The following FERMT2 variants were observed in gnomAD, a reference collection of about 807,000 sequenced individuals.
The protein encoded by FERMT2 is fermitin family homolog 2.
A neutral mutation model predicts 82.7 loss-of-function variants in FERMT2; 15 were observed. That is an observed-to-expected ratio of 0.18 (90% CI 0.12 to 0.28). The LOEUF is 0.28. FERMT2 is among the 10% of genes least tolerant of loss of function. The pLI is 1.00. For synonymous variants in FERMT2, 274 were observed against 271.5 expected, an observed-to-expected ratio of 1.01 and a Z score of -0.09; for missense variants, 645 against 809.4, an observed-to-expected ratio of 0.80 and a Z score of 2.46.
chr14:52,886,269 G>C (rs574127715), intron 4 of FERMT2, among the ~76,000 whole-genome samples: 2 of 142,378 alleles, frequency 1.4e-5, no homozygotes, highest in Admixed American at 1.4e-4. Flanking sequence ...AGAAACTCTT[G>C]GGGGGGAGAG....
At chr14:52,888,693 T>C (rs1040306679) in intron 4 of FERMT2, among the ~76,000 whole-genome samples, 5 of 152,212 alleles carry the variant, frequency 3.3e-5, no homozygotes, top group Non-Finnish European at 7.3e-5. Flanking sequence ...GGTCTTCACC[T>C]ATGGTTTCCA....
At chr14:52,892,159 G>GT (rs1555368979) in intron 4 of FERMT2, among the ~76,000 whole-genome samples, 2 of 78,760 alleles carry the variant, frequency 2.5e-5, no homozygotes, top group African/African-American at 7.8e-5. Flanking sequence ...AGAGAAGGCT[G>GT]TTTTTTGTTT....
At chr14:52,941,485 A>C (rs1890089722) in intron 2 of FERMT2, among the ~76,000 whole-genome samples, 1 of 152,210 alleles carries the variant, frequency 6.6e-6, no homozygotes. Flanking sequence ...GTAATTATGC[A>C]ACTAATTTGT....
At chr14:52,866,511 C>T (rs1885289191) in intron 10 of FERMT2, among the ~76,000 whole-genome samples, 2 of 152,186 alleles carry the variant, frequency 1.3e-5, no homozygotes, top group South Asian at 4.1e-4. Context: ...CTAGCAAAAT[C>T]TGCACCCTAG....
In FERMT2 at chr14:52,859,556, C is replaced by T; in HGVS notation, c.1869+17G>A. The stretch of plus-strand genomic sequence containing the variant: ...TCAGAGAAGGACTATATTCAAGTAA[C>T]ATTGTTATGAGTTTACCATTTTGAT... On this transcript the variant is annotated intron_variant, in intron 14 of 14. Transcript: ENST00000341590. 6.3e-7 allele frequency: 1 copy of T among 1,581,702 alleles called. No homozygotes were observed. Among genetic ancestry groups the T allele is most frequent in the Non-Finnish European group, 8.6e-7 (1 of 1,161,250 alleles).
chr14:52,902,088 G>A (rs997175907), intron 3 of FERMT2, among the ~76,000 whole-genome samples: 21 of 151,462 alleles, frequency 1.4e-4, no homozygotes, highest in African/African-American at 5.1e-4. Flanking sequence ...GAGATAAACA[G>A]GATAATATAA....
intron 4 of FERMT2, among the ~76,000 whole-genome samples, chr14:52,888,239 C>T (rs914630493): frequency 2.0e-5 from 3 of 152,148 alleles, no homozygotes; most frequent in Middle Eastern, 3.4e-3. Context: ...TCCTACCAAA[C>T]GAAAGTATTT....
chr14:52,873,919 T>C (rs1281304912), intron 9 of FERMT2, among the ~76,000 whole-genome samples: 2 of 152,010 alleles, frequency 1.3e-5, no homozygotes, highest in South Asian at 2.1e-4. Flanking sequence ...TGTTTCAGCA[T>C]CTGTATGATG....
At chr14:52,869,490 C>A (rs188374177) in intron 10 of FERMT2, among the ~76,000 whole-genome samples, 2 of 152,246 alleles carry the variant, frequency 1.3e-5, no homozygotes, top group Admixed American at 6.5e-5. Flanking sequence ...GCATATACGA[C>A]AGCGACAATG....
chr14:52,892,981 G>C (rs184146428), intron 4 of FERMT2, among the ~76,000 whole-genome samples: 1 of 152,264 alleles, frequency 6.6e-6, no homozygotes, highest in East Asian at 1.9e-4. Context: ...TTTCAGGACA[G>C]AGAAAAATGC....
At position 52,943,310 on chromosome 14, in the gene FERMT2, G is replaced by C. The variant is rs146883588; in HGVS notation, c.157+7102C>G. On this transcript the variant is annotated intron_variant, in intron 2 of 14. Coordinates refer to ENST00000341590, the MANE Select transcript of FERMT2 (RefSeq NM_006832.3). Reference sequence around the variant, plus strand: ...CTTAAAAGACCAAGGCTGAGGAACTGTTCTACAGGGTGGCCATAAAGTTTA... The same window carrying C: ...CTTAAAAGACCAAGGCTGAGGAACTCTTCTACAGGGTGGCCATAAAGTTTA... Among the ~76,000 whole-genome samples, 396 of 152,222 alleles carry C rather than the reference G, an allele frequency of 2.6e-3. 3 individuals carry two copies. The highest frequency in any genetic ancestry group is 9.0e-3 in the African/African-American group (373 of 41,524).
At chr14:52,860,756 A>G (rs775374136) in intron 12 of FERMT2, 15 of 568,358 alleles carry the variant, frequency 2.6e-5, no homozygotes, top group Non-Finnish European at 4.6e-5. Context: ...CGGTACTACT[A>G]TTACAGAACA....
chr14:52,944,923 A>G (rs1890258913), intron 2 of FERMT2, among the ~76,000 whole-genome samples: 1 of 151,828 alleles, frequency 6.6e-6, no homozygotes, highest in Non-Finnish European at 1.5e-5. Flanking sequence ...TTTTGGAGAC[A>G]GAGTCTTGCT....
At chr14:52,927,549 C>T (rs2139663939) in intron 2 of FERMT2, among the ~76,000 whole-genome samples, 1 of 123,690 alleles carries the variant, frequency 8.1e-6, no homozygotes, top group East Asian at 2.6e-4. Flanking sequence ...TGAGCCGAAG[C>T]GTTCAAGGCC....
rs1886270666 is a variant in FERMT2 at position 52,881,141 on chromosome 14, G to A, written c.753-3C>T. Reference sequence around the variant, plus strand: ...GAGATCTTGAGGAATCAAGCCATCTGGACAAATTAAGAACAGTGGAACAAA... The same window carrying A: ...GAGATCTTGAGGAATCAAGCCATCTAGACAAATTAAGAACAGTGGAACAAA... On this transcript the variant is annotated splice_region_variant and splice_polypyrimidine_tract_variant and intron_variant, in intron 5 of 14. Transcript: ENST00000341590. 2 of 1,610,234 alleles carry A rather than the reference G, an allele frequency of 1.2e-6. No individual in the cohort carries two copies. Among genetic ancestry groups the A allele is most frequent in the South Asian group, 2.2e-5 (2 of 90,754 alleles).
intron 4 of FERMT2, among the ~76,000 whole-genome samples, chr14:52,888,417 A>G (rs1371086217): frequency 6.6e-6 from 1 of 152,302 alleles, no homozygotes; most frequent in East Asian, 1.9e-4. Flanking sequence ...TAAGTTATAT[A>G]CTAACCAGCT....
intron 3 of FERMT2, among the ~76,000 whole-genome samples, chr14:52,911,799 TA>T (rs1421521015): frequency 2.0e-5 from 3 of 152,216 alleles, no homozygotes; most frequent in African/African-American, 7.2e-5. Flanking sequence ...ATAACAGTGT[TA>T]AATTATGTAT....
intron 8 of FERMT2, among the ~76,000 whole-genome samples, chr14:52,874,931 T>C (rs1159811824): frequency 2.0e-5 from 3 of 152,092 alleles, no homozygotes; most frequent in African/African-American, 7.2e-5. Flanking sequence ...GGTGCATGGT[T>C]GTAGTCTCAG....
chr14:52,882,135 T>C (rs187471178), intron 4 of FERMT2, among the ~76,000 whole-genome samples: 32 of 152,316 alleles, frequency 2.1e-4, no homozygotes, highest in African/African-American at 7.2e-4. Flanking sequence ...GGTAACACAA[T>C]AGAACTGAAT....
Sources: allele counts gnomAD v4.1 joint callset (sites outside exome capture counted in the v4.1 genomes callset), GRCh38; gene constraint gnomAD v4.1.1; transcripts MANE v1.5; gene names NCBI Gene and HGNC (gene_info 2026-07-23, HGNC 2026-07-21).